UTP25: variants seen among roughly 807,000 people sequenced by gnomAD.
The protein encoded by UTP25 is UTP25 small subunit processome component.
Under a neutral mutation model 78.9 loss-of-function variants are expected in UTP25, and 50 were observed. The observed-to-expected ratio is 0.63, with a 90% CI of 0.50 to 0.80. The LOEUF (loss-of-function observed/expected upper bound fraction) is 0.80, where lower values mean the gene tolerates loss of function less well. Among genes scored for constraint, UTP25 ranks in the 30% least tolerant of loss-of-function variants. The probability of loss-of-function intolerance (pLI) is 0.00; values close to 1 mark genes in which losing one functional copy is unlikely to be tolerated. For synonymous variants in UTP25, 329 were observed against 336.5 expected (o/e 0.98, Z 0.24); for missense variants, 846 against 911.3 (o/e 0.93, Z 0.92).
intron 7 of UTP25, among the ~76,000 whole-genome samples, chr1:209,840,027 C>T (rs2078157397): frequency 6.6e-6 from 1 of 152,186 alleles, no homozygotes; most frequent in Non-Finnish European, 1.5e-5. Flanking sequence ...AGGAAACTGC[C>T]TGTTGCAGAG....
At chr1:209,848,567 T>C (rs550419077) in intron 11 of UTP25, among the ~76,000 whole-genome samples, 1 of 152,330 alleles carries the variant, frequency 6.6e-6, no homozygotes, top group African/African-American at 2.4e-5. Flanking sequence ...TTGGGATAGA[T>C]TTTGAAAGGA....
chr1:209,837,195 G>T lies in UTP25; in HGVS notation c.1046G>T (p.Gly349Val). ...VGDDDDFRDQ[G>V]LTRPKVLIVV... ...GATGATGATGACTTCAGAGACCAAG[G>T]GTTAACAAGGCCCAAGGTGAGTCCA... Residue 349 changes from glycine to valine, a missense_variant, in exon 6 of 12, where the codon GGG (glycine) becomes GTG (valine). Gly to Val is a moderately radical substitution (Grantham distance 109, BLOSUM62 -3). Coordinates refer to ENST00000491415, the MANE Select transcript of UTP25 (RefSeq NM_014388.7). 1 of 1,613,764 alleles carries T rather than the reference G, an allele frequency of 6.2e-7. No individual in the cohort carries two copies. The highest frequency in any genetic ancestry group is 8.5e-7 in the Non-Finnish European group (1 of 1,179,850).
Position 209,828,132 on chromosome 1 carries a change from T to A in UTP25, c.69T>A (p.His23Gln). The A allele has an allele frequency of 6.2e-7, 1 of 1,614,068 alleles. No individual in the cohort carries two copies. The highest frequency in any genetic ancestry group is 8.5e-7 in the Non-Finnish European group (1 of 1,180,000). ...LNTLTKKQKK[H>Q]LRDFGEEHPF... is the part of the protein sequence containing the mutation. Reference sequence around the variant, plus strand: ...CCCTAACTAAAAAGCAGAAGAAACATCTTCGAGATTTCGGCGAGGAGCATC... The same window carrying A: ...CCCTAACTAAAAAGCAGAAGAAACAACTTCGAGATTTCGGCGAGGAGCATC... The change falls in exon 1 of 12, where the codon CAT becomes CAA. Residue 23 changes from histidine (H) to glutamine (Q), a missense_variant. Transcript: ENST00000491415.
chr1:209,836,795 C>T lies in UTP25; in HGVS notation c.652-6C>T, dbSNP rs781443110. The T allele has an allele frequency of 1.8e-5, 29 of 1,584,210 alleles. No individual in the cohort carries two copies. The highest frequency in any genetic ancestry group is 2.5e-5 in the Non-Finnish European group (29 of 1,167,810). On this transcript the variant is annotated splice_polypyrimidine_tract_variant and splice_region_variant and intron_variant, in intron 5 of 11. Coordinates refer to ENST00000491415, the MANE Select transcript of UTP25 (RefSeq NM_014388.7). ...TAATTTGGCTCTTGATCTGTTTCTC[C>T]CCTAGTGGCCTATTCTGGGCCAGCT...
Position 209,837,094 on chromosome 1 carries a change from A to G in UTP25, c.945A>G (p.Ile315Met). 1 of 1,614,188 alleles carries G rather than the reference A, an allele frequency of 6.2e-7. No individual in the cohort carries two copies. The highest frequency in any genetic ancestry group is 8.5e-7 in the Non-Finnish European group (1 of 1,180,014). Residue 315 changes from isoleucine to methionine, a missense_variant, in exon 6 of 12, where the codon ATA becomes ATG. Coordinates refer to ENST00000491415, the MANE Select transcript of UTP25 (RefSeq NM_014388.7). ...GCCATGTGTATTGCCTGCATGTGATAAATCACATCCTCAAAGCCAATGCCC... is the reference window on the plus strand; with the variant it reads ...GCCATGTGTATTGCCTGCATGTGATGAATCACATCCTCAAAGCCAATGCCC... ...EIRHVYCLHVINHILKANAQV... is the reference protein window; with the variant it reads ...EIRHVYCLHVMNHILKANAQV...
chr1:209,851,660 T>C lies in UTP25; in HGVS notation c.*213T>C, dbSNP rs978038298. 4.1e-6 allele frequency: 2 copies of C among 486,962 alleles called. No homozygotes were observed. The highest frequency in any genetic ancestry group is 3.9e-5 in the African/African-American group (2 of 50,982). The allele number at this position is 486,962 out of a possible 1,614,324, so 30.2% of individuals were successfully genotyped here. On this transcript the variant is annotated 3_prime_UTR_variant, in exon 12 of 12. Transcript: ENST00000491415. ...TTTGGTAAATCCCATCTTTCAGAAG[T>C]GAAGAGGGGGCTAGAAGGACTCTGA... is the stretch of plus-strand genomic sequence containing the variant.
intron 11 of UTP25, among the ~76,000 whole-genome samples, chr1:209,846,226 T>C (rs2078196269): frequency 1.3e-5 from 2 of 152,174 alleles, no homozygotes; most frequent in Admixed American, 1.3e-4. Context: ...CAGCTGGCAA[T>C]GTTAGGAAGA....
At chr1:209,844,606 TG>T (rs1187264547) in intron 11 of UTP25, 7 of 132,044 alleles carry the variant, frequency 5.3e-5, no homozygotes, top group African/African-American at 2.0e-4. Context: ...CACTCCAGCT[TG>T]GGCAACAAGA....
intron 11 of UTP25, among the ~76,000 whole-genome samples, chr1:209,850,844 T>C (rs189524621): frequency 4.6e-4 from 70 of 152,342 alleles, no homozygotes; most frequent in Non-Finnish European, 2.1e-4. Flanking sequence ...CTGATTATAA[T>C]AAGGCTAATG....
rs1299331891 is a variant in UTP25 at position 209,839,057 on chromosome 1, C to T, written c.1211C>T (p.Pro404Leu). Residue 404 changes from proline to leucine, a missense_variant, in exon 7 of 12, where the codon CCA becomes CTA. By Grantham distance (98) the Pro-to-Leu change is moderately conservative. Transcript: ENST00000491415. Reference protein sequence around the residue: ...GEYGSDPEERPPNLKRPEDYE... With the variant: ...GEYGSDPEERLPNLKRPEDYE... ...TATGGATCAGATCCCGAGGAGAGACCACCCAACTTGAAGAGGCCTGAGGAT... is the reference window on the plus strand; with the variant it reads ...TATGGATCAGATCCCGAGGAGAGACTACCCAACTTGAAGAGGCCTGAGGAT... The T allele has an allele frequency of 3.1e-6, 5 of 1,613,916 alleles. No individual in the cohort carries two copies. The African/African-American group carries it at 5.3e-5, about 17-fold the overall frequency.
intron 4 of UTP25, among the ~76,000 whole-genome samples, chr1:209,833,714 G>A (rs1056055126): frequency 6.6e-6 from 1 of 152,132 alleles, no homozygotes; most frequent in African/African-American, 2.4e-5. Context: ...CCTTTTTGGA[G>A]CAGTAATTTT....
At chr1:209,828,228 C>T (rs903752056) in intron 1 of UTP25, 58 bp downstream of exon 1, 121 of 1,324,810 alleles carry the variant, frequency 9.1e-5, no homozygotes, top group Non-Finnish European at 1.3e-4. Context: ...CGAGTTTGGT[C>T]CTCTGGTCTC....
intron 5 of UTP25, among the ~76,000 whole-genome samples, chr1:209,835,867 T>C (rs2078129953): frequency 6.6e-6 from 1 of 152,226 alleles, no homozygotes; most frequent in South Asian, 2.1e-4. Flanking sequence ...TCTACCAGTC[T>C]TACTCAGATC....
At position 209,838,948 on chromosome 1, in the gene UTP25, G is replaced by A. The variant is rs375130580; in HGVS notation, c.1102G>A (p.Val368Met). 1.2e-6 allele frequency: 2 copies of A among 1,614,102 alleles called. No individual in the cohort carries two copies. Among genetic ancestry groups the A allele is most frequent in the African/African-American group, 1.3e-5 (1 of 75,024 alleles). The change falls in exon 7 of 12, where the codon GTG becomes ATG. Residue 368 changes from valine (V) to methionine (M), a missense_variant. Physicochemically the swap from Val to Met is conservative, Grantham distance 21. Coordinates refer to ENST00000491415, the MANE Select transcript of UTP25 (RefSeq NM_014388.7). ...GCCATTCCGGGAAGCTGCTTTGCGG[G>A]TGGTGCAGCTCTTCATCAGCCTCCT... ...VVPFREAALR[V>M]VQLFISLLEG... is the part of the protein sequence containing the mutation.
intron 11 of UTP25, among the ~76,000 whole-genome samples, 157 bp from the exon 12 acceptor site, chr1:209,851,047 T>C (rs1215225403): frequency 2.0e-5 from 3 of 152,234 alleles, no homozygotes; most frequent in Non-Finnish European, 4.4e-5. Context: ...TGTTGCCACC[T>C]CAAGTTAGAA....
At chr1:209,845,863 CTT>C (rs72219049) in intron 11 of UTP25, among the ~76,000 whole-genome samples, 12 of 111,472 alleles carry the variant, frequency 1.1e-4, no homozygotes, top group South Asian at 2.7e-4. Flanking sequence ...TTTTCTTTTT[CTT>C]TTTTTTTTTT....
chr1:209,829,374 G>A (rs1019871806), intron 1 of UTP25, among the ~76,000 whole-genome samples: 4 of 152,200 alleles, frequency 2.6e-5, no homozygotes, highest in Non-Finnish European at 5.9e-5. Context: ...AAGTGTATTA[G>A]TAGTTGTGGT....
At chr1:209,839,556 T>C (rs1285962134) in intron 7 of UTP25, among the ~76,000 whole-genome samples, 1 of 152,176 alleles carries the variant, frequency 6.6e-6, no homozygotes, top group African/African-American at 2.4e-5. Context: ...GCTACATAGA[T>C]GCCTACCCTG....
chr1:209,842,936 C>T, intron 10 of UTP25: 1 of 498,542 alleles, frequency 2.0e-6, no homozygotes, highest in Non-Finnish European at 3.6e-6. Context: ...AGGACTCTTT[C>T]ACTCTTGACT....
Sources: allele counts gnomAD v4.1 joint callset (sites outside exome capture counted in the v4.1 genomes callset), GRCh38; gene constraint gnomAD v4.1.1; transcripts MANE v1.5; gene names NCBI Gene and HGNC (gene_info 2026-07-23, HGNC 2026-07-21).